CNBD1: variants seen among roughly 807,000 people sequenced by gnomAD.
CNBD1 encodes cyclic nucleotide binding domain containing 1.
A neutral mutation model predicts 54.4 loss-of-function variants in CNBD1; 71 were observed. The observed-to-expected ratio is 1.30, with a 90% CI of 1.08 to 1.59. The LOEUF is 1.59. CNBD1 is among the 40% of genes most tolerant of loss of function. The pLI, the probability that CNBD1 is intolerant of heterozygous loss-of-function variation, is 0.00. For synonymous variants in CNBD1, 182 were observed against 170.7 expected (o/e 1.07, Z -0.51); for missense variants, 659 against 518.0 (o/e 1.27, Z -2.64).
chr8:87,143,663 A>G (rs1440266268), intron 4 of CNBD1, among the ~76,000 whole-genome samples: 1 of 152,202 alleles, frequency 6.6e-6, no homozygotes, highest in African/African-American at 2.4e-5. Flanking sequence ...CATTTAAAAA[A>G]TAGATTTTTA....
chr8:87,014,976 A>G (rs1459557774), intron 4 of CNBD1, among the ~76,000 whole-genome samples: 1 of 152,180 alleles, frequency 6.6e-6, no homozygotes, highest in Non-Finnish European at 1.5e-5. Context: ...GGTAAAACAA[A>G]AAGTCTAACC....
intron 4 of CNBD1, among the ~76,000 whole-genome samples, chr8:87,043,187 G>A (rs189246517): frequency 1.3e-5 from 2 of 152,282 alleles, no homozygotes; most frequent in East Asian, 3.9e-4. Context: ...CCAATGGAAT[G>A]AGGTGGTTGT....
chr8:87,210,953 C>T (rs1814085104), intron 5 of CNBD1, among the ~76,000 whole-genome samples: 1 of 152,128 alleles, frequency 6.6e-6, no homozygotes, highest in Non-Finnish European at 1.5e-5. Context: ...TTGCACTCTG[C>T]ACCTGGAAAA....
intron 3 of CNBD1, among the ~76,000 whole-genome samples, chr8:86,913,662 A>G (rs1381732266): frequency 6.6e-6 from 1 of 152,196 alleles, no homozygotes; most frequent in African/African-American, 2.4e-5. Flanking sequence ...CAAGGGCAAC[A>G]AAAGATCACA....
At chr8:86,953,881 A>T (rs1807690817) in intron 4 of CNBD1, among the ~76,000 whole-genome samples, 1 of 152,164 alleles carries the variant, frequency 6.6e-6, no homozygotes, top group South Asian at 2.1e-4. Context: ...AAATAAAAAA[A>T]TCCTATGTAA....
intron 5 of CNBD1, among the ~76,000 whole-genome samples, chr8:87,216,594 T>A (rs1369686303): frequency 6.6e-6 from 1 of 152,182 alleles, no homozygotes. Flanking sequence ...AATCCTTTGA[T>A]AGACAATCCT....
chr8:86,887,488 T>A, intron 1 of CNBD1, 54 bp from the exon 2 acceptor site: 1 of 1,135,226 alleles, frequency 8.8e-7, no homozygotes, highest in Non-Finnish European at 1.3e-6. Flanking sequence ...ATTTACACAC[T>A]TGCTTAATAA....
At chr8:87,252,849 G>A (rs1807938449) in intron 6 of CNBD1, among the ~76,000 whole-genome samples, 1 of 152,086 alleles carries the variant, frequency 6.6e-6, no homozygotes, top group Admixed American at 6.6e-5. Context: ...TGAGCTGCGT[G>A]GCCAAATATG....
downstream of CNBD1, among the ~76,000 whole-genome samples, chr8:87,384,706 G>T (rs145826281): frequency 1.3e-5 from 2 of 152,260 alleles, no homozygotes; most frequent in East Asian, 1.9e-4. Context: ...AATGGGCATG[G>T]CTCCAGGTAT....
intron 2 of CNBD1, among the ~76,000 whole-genome samples, chr8:87,416,863 G>T (rs1281240036): frequency 2.6e-5 from 4 of 152,034 alleles, no homozygotes; most frequent in African/African-American, 9.6e-5. Flanking sequence ...TATAAATATG[G>T]ATGTAAAAAT....
rs1456622310 is a variant in CNBD1, at chr8:87,163,385, G to T, written c.432-42608G>T. 1.3e-5 allele frequency among the ~76,000 whole-genome samples: 2 copies of T among 151,410 alleles called. No individual in the cohort carries two copies. Among genetic ancestry groups the T allele is most frequent in the African/African-American group, 2.4e-5 (1 of 41,264 alleles). ...AAAAATTAGAATTTTGATAGAGATT[G>T]CATTGAATCTGCAGATCACTTCAGG... On this transcript the variant is annotated intron_variant, in intron 4 of 10. Coordinates refer to ENST00000518476, the MANE Select transcript of CNBD1 (RefSeq NM_173538.3). The surrounding 1 kb of genome is among the most constrained non-coding windows in gnomAD (Gnocchi z 4.5).
At chr8:87,370,503 C>CTG (rs1810758321) in intron 10 of CNBD1, among the ~76,000 whole-genome samples, 2 of 152,012 alleles carry the variant, frequency 1.3e-5, no homozygotes, top group Non-Finnish European at 2.9e-5. Flanking sequence ...TTTCATGTGT[C>CTG]TTTTGGCTGC....
intron 5 of CNBD1, among the ~76,000 whole-genome samples, chr8:87,223,450 T>A (rs866596055): frequency 1.3e-5 from 2 of 148,578 alleles, no homozygotes; most frequent in African/African-American, 5.0e-5. Context: ...GTCCATGTGA[T>A]CTCATTGTTC....
At chr8:87,414,081 A>C (rs1232207781) in intron 2 of CNBD1, among the ~76,000 whole-genome samples, 5 of 152,312 alleles carry the variant, frequency 3.3e-5, no homozygotes, top group Admixed American at 3.3e-4. Context: ...ACATATGTTT[A>C]TTGCGGCACT....
chr8:87,244,960 G>A (rs547295710), intron 6 of CNBD1, among the ~76,000 whole-genome samples: 1 of 152,008 alleles, frequency 6.6e-6, no homozygotes, highest in East Asian at 1.9e-4. Flanking sequence ...ATATGTGATT[G>A]CTTTATTCTT....
intron 4 of CNBD1, among the ~76,000 whole-genome samples, chr8:86,969,793 T>TATATACAC (rs1353293101): frequency 1.9e-4 from 28 of 144,538 alleles, no homozygotes; most frequent in African/African-American, 6.9e-4. Flanking sequence ...TATATATATA[T>TATATACAC]ACACACACAC....
intron 10 of CNBD1, among the ~76,000 whole-genome samples, chr8:87,380,953 G>A (rs978684784): frequency 1.3e-4 from 20 of 151,908 alleles, no homozygotes; most frequent in East Asian, 5.8e-4. Flanking sequence ...AGAAGAATAC[G>A]TAGTTAAAAA....
At chr8:87,403,355 T>G (rs1428025412) in intron 2 of CNBD1, among the ~76,000 whole-genome samples, 1 of 152,050 alleles carries the variant, frequency 6.6e-6, no homozygotes, top group Non-Finnish European at 1.5e-5. Context: ...ATATGGCACT[T>G]GTCGTAGATA....
At chr8:86,868,406 G>A (rs558783874) in intron 1 of CNBD1, among the ~76,000 whole-genome samples, 2 of 151,972 alleles carry the variant, frequency 1.3e-5, no homozygotes, top group Non-Finnish European at 2.9e-5. Flanking sequence ...GCAGTGGCAC[G>A]ATCTCAGCTC....
Sources: gnomAD v4.1 joint callset for allele counts (sites outside exome capture counted in the v4.1 genomes callset) on GRCh38, gnomAD v4.1.1 for gene constraint, Gnocchi (gnomAD v3.1) non-coding constraint, MANE v1.5 for transcripts, NCBI Gene and HGNC (gene_info 2026-07-23, HGNC 2026-07-21) for gene names.